MCCC2: variants seen among roughly 807,000 people sequenced by gnomAD.
MCCC2 encodes methylcrotonyl-CoA carboxylase subunit 2, also known as methylcrotonoyl-CoA carboxylase beta chain, mitochondrial.
Under a neutral mutation model 77.2 loss-of-function variants are expected in MCCC2, and 52 were observed. That is an observed-to-expected ratio of 0.67 (90% CI 0.54 to 0.85). MCCC2 has a LOEUF of 0.85. MCCC2 is among the 40% of genes least tolerant of loss of function. MCCC2 has a pLI of 0.00. For missense variants in MCCC2, 682 were observed against 703.2 expected, an observed-to-expected ratio of 0.97 and a Z score of 0.34; for synonymous variants, 253 against 248.4, an observed-to-expected ratio of 1.02 and a Z score of -0.18.
chr5:71,622,898 A>G (rs981522180), intron 6 of MCCC2, among the ~76,000 whole-genome samples: 1 of 152,198 alleles, frequency 6.6e-6, no homozygotes, highest in Non-Finnish European at 1.5e-5. Context: ...TGAGGTCAGG[A>G]GATCGAGACC....
intron 15 of MCCC2, among the ~76,000 whole-genome samples, chr5:71,652,348 G>C (rs1403531540): frequency 6.6e-6 from 1 of 152,200 alleles, no homozygotes; most frequent in South Asian, 2.1e-4. Flanking sequence ...AGGTTGCTAA[G>C]TGTAATGCAG....
chr5:71,608,207 G>A (rs1177886254), intron 6 of MCCC2, among the ~76,000 whole-genome samples: 2 of 99,146 alleles, frequency 2.0e-5, no homozygotes, highest in African/African-American at 7.9e-5. Flanking sequence ...ATGTGTGGGA[G>A]TCTAAGTCTC....
rs1348424770 is a variant in MCCC2, at chr5:71,656,867, T to C, written c.*7T>C. Reference sequence around the variant, plus strand: ...CGGTATCTTCAGGATGTAACTGGAATAAAGGATGTTTTCTGTTGGACATGT... The same window carrying C: ...CGGTATCTTCAGGATGTAACTGGAACAAAGGATGTTTTCTGTTGGACATGT... On this transcript the variant is annotated 3_prime_UTR_variant, in exon 17 of 17. Transcript: ENST00000340941. 1.3e-6 allele frequency: 2 copies of C among 1,599,958 alleles called. No individual in the cohort carries two copies. Among genetic ancestry groups the C allele is most frequent in the Non-Finnish European group, 8.6e-7 (1 of 1,167,102 alleles).
At chr5:71,590,553 A>C (rs539432952) in intron 1 of MCCC2, among the ~76,000 whole-genome samples, 47 of 152,286 alleles carry the variant, frequency 3.1e-4, no homozygotes, top group African/African-American at 1.1e-3. Flanking sequence ...ATGGTGGCTC[A>C]GGCCTGTAAT....
chr5:71,633,094 TATATATA>T (rs1561841226), intron 8 of MCCC2, among the ~76,000 whole-genome samples: 122 of 6,356 alleles, frequency 0.019, 3 homozygotes, highest in East Asian at 0.16. Flanking sequence ...TTCAGTTTTA[TATATATA>T]TATATATATA....
At chr5:71,639,681 G>C (rs141942086) in intron 10 of MCCC2, among the ~76,000 whole-genome samples, 69 of 152,294 alleles carry the variant, frequency 4.5e-4, no homozygotes, top group African/African-American at 1.5e-3. Flanking sequence ...ATACAACATA[G>C]TTTTTCACTA....
chr5:71,652,800 G>C (rs1747476126), intron 16 of MCCC2, 46 bp downstream of exon 16: 3 of 1,512,742 alleles, frequency 2.0e-6, no homozygotes, highest in Non-Finnish European at 2.8e-6. Flanking sequence ...GCAGATGGCA[G>C]TCAGAGGAAC....
chr5:71,612,780 G>T (rs1355811243), intron 6 of MCCC2, among the ~76,000 whole-genome samples: 2 of 152,178 alleles, frequency 1.3e-5, no homozygotes, highest in Non-Finnish European at 2.9e-5. Context: ...GAATGTCTTG[G>T]TATGTTGCTC....
chr5:71,616,855 T>C (rs1377849734), intron 6 of MCCC2, among the ~76,000 whole-genome samples: 2 of 152,126 alleles, frequency 1.3e-5, no homozygotes, highest in Non-Finnish European at 2.9e-5. Flanking sequence ...GGTTTCACCC[T>C]TGGGCAGTTC....
intron 10 of MCCC2, 58 bp downstream of exon 10, chr5:71,635,304 A>T: frequency 6.9e-7 from 1 of 1,458,568 alleles, no homozygotes; most frequent in Non-Finnish European, 9.6e-7. Flanking sequence ...TTGTATGTGT[A>T]TCTATTTGCA....
chr5:71,644,032 CATGT>C (rs1244130376), intron 12 of MCCC2, 137 bp downstream of exon 12: 21 of 538,720 alleles, frequency 3.9e-5, no homozygotes, highest in African/African-American at 1.7e-4. Context: ...TGTGCGCGGG[CATGT>C]GTGTGTGTGT....
chr5:71,642,251 G>A (rs571094629), intron 11 of MCCC2, among the ~76,000 whole-genome samples: 1 of 152,150 alleles, frequency 6.6e-6, no homozygotes, highest in African/African-American at 2.4e-5. Flanking sequence ...GGTGGGAGTT[G>A]GGGGTGGGGG....
At chr5:71,598,356 A>G (rs981661122) in intron 3 of MCCC2, among the ~76,000 whole-genome samples, 1 of 151,940 alleles carries the variant, frequency 6.6e-6, no homozygotes, top group Admixed American at 6.6e-5. Context: ...GGCATGAGCC[A>G]CCACACCAGC....
intron 6 of MCCC2, among the ~76,000 whole-genome samples, chr5:71,612,524 A>G (rs920503337): frequency 1.3e-5 from 2 of 152,112 alleles, no homozygotes; most frequent in Non-Finnish European, 2.9e-5. Context: ...ATCTGGTATT[A>G]TATTTTTTTC....
At chr5:71,595,854 T>G (rs887735239) in intron 2 of MCCC2, among the ~76,000 whole-genome samples, 7 of 152,238 alleles carry the variant, frequency 4.6e-5, no homozygotes, top group Non-Finnish European at 1.0e-4. Context: ...TAGGTAAATT[T>G]ACTGCACTTA....
At chr5:71,594,551 G>A (rs1554133303) in intron 2 of MCCC2, among the ~76,000 whole-genome samples, 2 of 151,706 alleles carry the variant, frequency 1.3e-5, no homozygotes, top group Middle Eastern at 6.8e-3. Flanking sequence ...AAAGAGGTGG[G>A]TTTGACTCAA....
At chr5:71,641,229 C>T in intron 11 of MCCC2, 154 bp downstream of exon 11, 1 of 694,222 alleles carries the variant, frequency 1.4e-6, no homozygotes. Flanking sequence ...GCTTTATAAA[C>T]ATAATTTGTA....
chr5:71,615,383 C>G (rs182638628), intron 6 of MCCC2, among the ~76,000 whole-genome samples: 1 of 152,198 alleles, frequency 6.6e-6, no homozygotes, highest in Non-Finnish European at 1.5e-5. Context: ...TGCACAGCCT[C>G]TTGGTATCAT....
chr5:71,641,398 CAAT>C (rs1747119186), intron 11 of MCCC2: 1 of 330,616 alleles, frequency 3.0e-6, no homozygotes, highest in Non-Finnish European at 5.7e-6. Context: ...TTCTGGATAA[CAAT>C]AATTATTTTG....
Sources: allele counts gnomAD v4.1 joint callset (sites outside exome capture counted in the v4.1 genomes callset), GRCh38; gene constraint gnomAD v4.1.1; transcripts MANE v1.5; gene names NCBI Gene and HGNC (gene_info 2026-07-23, HGNC 2026-07-21).